PLCL2: variants seen among roughly 807,000 people sequenced by gnomAD.
The protein encoded by PLCL2 is inactive phospholipase C-like protein 2.
In PLCL2, 4 loss-of-function variants were observed where a neutral mutation model predicts 79.6. The observed-to-expected ratio is 0.05, with a 90% CI of 0.02 to 0.11. The LOEUF is 0.11. PLCL2 is among the 10% of genes least tolerant of loss of function. The pLI is 1.00. For synonymous variants in PLCL2, 484 were observed against 457.7 expected (o/e 1.06, Z -0.73); for missense variants, 895 against 1,291.0 (o/e 0.69, Z 4.70).
chr3:17,024,675 T>G (rs1292500422), intron 3 of PLCL2, among the ~76,000 whole-genome samples: 1 of 152,196 alleles, frequency 6.6e-6, no homozygotes, highest in East Asian at 1.9e-4. Flanking sequence ...ATGCAGTTTG[T>G]GAGTTCCAAA....
At chr3:16,980,460 G>A (rs546668484) in intron 1 of PLCL2, among the ~76,000 whole-genome samples, 37 of 150,636 alleles carry the variant, frequency 2.5e-4, no homozygotes, top group East Asian at 2.0e-3. Flanking sequence ...CTTCTCAGAC[G>A]GGGCGGCCGG....
At chr3:17,045,359 G>C (rs2064769505) in intron 4 of PLCL2, among the ~76,000 whole-genome samples, 1 of 152,142 alleles carries the variant, frequency 6.6e-6, no homozygotes, top group Non-Finnish European at 1.5e-5. Context: ...CCAAACACAT[G>C]TTAAAAAATG....
At chr3:17,088,708 T>G (rs1306638514) in intron 5 of PLCL2, among the ~76,000 whole-genome samples, 8 of 152,168 alleles carry the variant, frequency 5.3e-5, no homozygotes, top group Non-Finnish European at 1.2e-4. Context: ...CATTAGGGTA[T>G]GCTAGGGGTG....
intron 5 of PLCL2, among the ~76,000 whole-genome samples, chr3:17,079,544 G>C (rs550893326): frequency 6.6e-6 from 1 of 152,280 alleles, no homozygotes; most frequent in East Asian, 1.9e-4. Context: ...CCATATGTTG[G>C]AGTCACGGTC....
intron 5 of PLCL2, among the ~76,000 whole-genome samples, chr3:17,078,643 T>A (rs977503869): frequency 3.9e-5 from 6 of 152,172 alleles, no homozygotes; most frequent in African/African-American, 1.4e-4. Flanking sequence ...ACCTAAAACT[T>A]CTGCCAAAAC....
intron 5 of PLCL2, among the ~76,000 whole-genome samples, chr3:17,082,224 AC>A (rs1466801471): frequency 6.8e-6 from 1 of 147,072 alleles, no homozygotes; most frequent in Non-Finnish European, 1.5e-5. Context: ...GCTCACTGCA[AC>A]CTTTGCCTCC....
At chr3:16,959,604 C>G (rs1334713815) in intron 1 of PLCL2, among the ~76,000 whole-genome samples, 3 of 152,122 alleles carry the variant, frequency 2.0e-5, no homozygotes, top group Admixed American at 2.0e-4. Context: ...TCCCTCCTGT[C>G]CATGCTCTTT....
At chr3:17,050,472 TA>T (rs1484317937) in intron 4 of PLCL2, among the ~76,000 whole-genome samples, 1 of 152,112 alleles carries the variant, frequency 6.6e-6, no homozygotes. Flanking sequence ...AATCCAATTT[TA>T]AAATGGGCAA....
At chr3:17,050,112 G>A (rs2064824385) in intron 4 of PLCL2, among the ~76,000 whole-genome samples, 1 of 152,132 alleles carries the variant, frequency 6.6e-6, no homozygotes, top group Admixed American at 6.5e-5. Flanking sequence ...ATCGTGCAGG[G>A]AAAACGGGAT....
chr3:16,899,854 C>T (rs1696579273), intron 1 of PLCL2, among the ~76,000 whole-genome samples: 2 of 150,522 alleles, frequency 1.3e-5, no homozygotes, highest in African/African-American at 4.9e-5. Context: ...TCAAAACACC[C>T]TAACAAGAAA....
At chr3:16,924,743 C>T (rs1407119210) in intron 1 of PLCL2, among the ~76,000 whole-genome samples, 1 of 152,160 alleles carries the variant, frequency 6.6e-6, no homozygotes, top group African/African-American at 2.4e-5. Flanking sequence ...GCCCTGTTTC[C>T]AGCAGCACCA....
chr3:17,088,866 C>T (rs2124961155), intron 5 of PLCL2, among the ~76,000 whole-genome samples: 1 of 152,238 alleles, frequency 6.6e-6, no homozygotes, highest in East Asian at 1.9e-4. Context: ...TTCAATTCGC[C>T]CACTGTTTTC....
At chr3:16,992,389 T>C (rs988227029) in intron 1 of PLCL2, among the ~76,000 whole-genome samples, 2 of 152,202 alleles carry the variant, frequency 1.3e-5, no homozygotes, top group Non-Finnish European at 2.9e-5. Context: ...GTTCCCTTTG[T>C]GAAGGGAACC....
intron 5 of PLCL2, among the ~76,000 whole-genome samples, chr3:17,078,464 T>A (rs946148882): frequency 5.9e-5 from 9 of 152,168 alleles, no homozygotes; most frequent in Non-Finnish European, 1.2e-4. Flanking sequence ...GCTTTTTTTT[T>A]TTATAGCATC....
At chr3:17,039,783 G>C (rs901085192) in intron 3 of PLCL2, among the ~76,000 whole-genome samples, 4 of 152,140 alleles carry the variant, frequency 2.6e-5, no homozygotes, top group Non-Finnish European at 4.4e-5. Context: ...AGGAGGAATG[G>C]CTTCTCACTA....
intron 3 of PLCL2, among the ~76,000 whole-genome samples, chr3:17,039,384 A>G (rs78176481): frequency 6.6e-6 from 1 of 152,214 alleles, no homozygotes; most frequent in South Asian, 2.1e-4. Flanking sequence ...GTGTTGCTAT[A>G]GGAGCCCACA....
intron 3 of PLCL2, among the ~76,000 whole-genome samples, chr3:17,035,487 T>G (rs964770338): frequency 2.0e-5 from 3 of 152,152 alleles, no homozygotes; most frequent in Non-Finnish European, 4.4e-5. Flanking sequence ...CTCCTCCATG[T>G]AATGTGTTCA....
chr3:16,927,152 C>T (rs1697275735), intron 1 of PLCL2, among the ~76,000 whole-genome samples: 1 of 152,152 alleles, frequency 6.6e-6, no homozygotes, highest in South Asian at 2.1e-4. Flanking sequence ...CCTTTTAGCA[C>T]TACCTTTAAG....
chr3:17,017,315 AC>A (rs919215879), intron 3 of PLCL2, among the ~76,000 whole-genome samples: 1 of 152,228 alleles, frequency 6.6e-6, no homozygotes, highest in African/African-American at 2.4e-5. Context: ...GCAGCCTTAT[AC>A]TGCCTAATTT....
Sources: gnomAD v4.1 joint callset for allele counts (sites outside exome capture counted in the v4.1 genomes callset) on GRCh38, gnomAD v4.1.1 for gene constraint, MANE v1.5 for transcripts, NCBI Gene and HGNC (gene_info 2026-07-23, HGNC 2026-07-21) for gene names.